Variants in JAK1 observed in about 807,000 individuals in gnomAD.
JAK1 encodes the protein tyrosine-protein kinase JAK1.
JAK1 carries 16 observed loss-of-function variants against 136.6 expected under a neutral mutation model. The ratio of observed to expected loss-of-function variants is 0.12; its 90% CI spans 0.08 to 0.18. The LOEUF is 0.18. JAK1 is among the 10% of genes least tolerant of loss of function. JAK1 has a pLI of 1.00. For missense variants in JAK1, 859 were observed against 1,450.1 expected (o/e 0.59, Z 6.62); for synonymous variants, 492 against 519.5 (o/e 0.95, Z 0.72).
chr1:64,988,984 G>GTA (rs1557745483), intron 2 of JAK1, among the ~76,000 whole-genome samples: 1 of 87,044 alleles, frequency 1.1e-5, no homozygotes, highest in Non-Finnish European at 2.1e-5. Flanking sequence ...ATATGTATAT[G>GTA]TGTGTGTGTG....
chr1:64,903,516 T>C (rs973539893), intron 1 of JAK1, among the ~76,000 whole-genome samples: 7 of 152,136 alleles, frequency 4.6e-5, no homozygotes, highest in Admixed American at 3.9e-4. Flanking sequence ...TGAAAGATAC[T>C]AGTATTGGTG....
At chr1:64,963,856 G>A (rs1339981596) in intron 1 of JAK1, among the ~76,000 whole-genome samples, 2 of 148,128 alleles carry the variant, frequency 1.4e-5, no homozygotes, top group South Asian at 4.1e-4. Flanking sequence ...TGTTTGGGAT[G>A]GGGGGCTGTC....
intron 1 of JAK1, among the ~76,000 whole-genome samples, chr1:65,052,861 C>CAAAAA (rs35560095): frequency 2.0e-4 from 18 of 88,670 alleles, no homozygotes; most frequent in African/African-American, 1.5e-4. Context: ...GACTCCATCT[C>CAAAAA]AAAAAAAAAA....
At chr1:64,874,519 G>C (rs557436056) in intron 4 of JAK1, among the ~76,000 whole-genome samples, 9 of 152,222 alleles carry the variant, frequency 5.9e-5, no homozygotes, top group African/African-American at 9.6e-5. Flanking sequence ...TGCATGGATT[G>C]TCAATTGCAC....
chr1:65,055,091 C>T (rs1647472263), intron 1 of JAK1, among the ~76,000 whole-genome samples: 1 of 152,142 alleles, frequency 6.6e-6, no homozygotes, highest in South Asian at 2.1e-4. Context: ...TGTTGTGCAA[C>T]TGCCATCATC....
intron 2 of JAK1, chr1:64,974,173 T>A (rs547524490): frequency 6.6e-6 from 1 of 152,142 alleles, no homozygotes; most frequent in Non-Finnish European, 1.5e-5. Context: ...CCTAAAATCA[T>A]TGCTTGAGAA....
chr1:65,044,107 T>C (rs1453950764), intron 2 of JAK1, among the ~76,000 whole-genome samples: 5 of 152,168 alleles, frequency 3.3e-5, no homozygotes, highest in Non-Finnish European at 5.9e-5. Context: ...TCCACCTGCC[T>C]CGGCCTCCCA....
At chr1:65,061,334 T>G (rs1647782992) in intron 1 of JAK1, among the ~76,000 whole-genome samples, 1 of 152,096 alleles carries the variant, frequency 6.6e-6, no homozygotes, top group Non-Finnish European at 1.5e-5. Context: ...CATGAAAGGC[T>G]GAGGCTGCCA....
At chr1:64,850,557 C>A (rs1655520959) in intron 12 of JAK1, among the ~76,000 whole-genome samples, 3 of 152,232 alleles carry the variant, frequency 2.0e-5, no homozygotes, top group African/African-American at 7.2e-5. Flanking sequence ...AAGGTCCCTG[C>A]TGTTCTAGGT....
intron 1 of JAK1, chr1:65,057,836 A>G (rs521188): frequency 0.057 from 8,884 of 154,920 alleles, 510 homozygotes; most frequent in East Asian, 0.31. Context: ...AGCAGCAGCA[A>G]TAACATAGGC....
chr1:65,017,153 T>A (rs1315986658), intron 2 of JAK1, among the ~76,000 whole-genome samples: 1 of 152,116 alleles, frequency 6.6e-6, no homozygotes, highest in Non-Finnish European at 1.5e-5. Context: ...CATCTCCCGA[T>A]AATTGATAGA....
intron 1 of JAK1, among the ~76,000 whole-genome samples, chr1:65,064,364 G>A (rs1032047026): frequency 1.3e-5 from 2 of 152,074 alleles, no homozygotes; most frequent in South Asian, 2.1e-4. Context: ...TTTTAAACCC[G>A]AACCAGAGTA....
At chr1:64,978,652 T>A (rs1042159914) in intron 2 of JAK1, among the ~76,000 whole-genome samples, 2 of 152,180 alleles carry the variant, frequency 1.3e-5, no homozygotes, top group Non-Finnish European at 2.9e-5. Flanking sequence ...TCCATTCAGT[T>A]TTACAGGAAT....
intron 1 of JAK1, among the ~76,000 whole-genome samples, chr1:64,896,284 G>A (rs1471174020): frequency 2.6e-5 from 4 of 152,186 alleles, no homozygotes; most frequent in African/African-American, 7.2e-5. Context: ...CTTGAATTTA[G>A]CCAAACTGGC....
chr1:65,044,825 T>C (rs1647170337), intron 1 of JAK1, among the ~76,000 whole-genome samples: 11 of 152,226 alleles, frequency 7.2e-5, no homozygotes, highest in Admixed American at 7.2e-4. Context: ...CTGTCACCCT[T>C]GGAGACTGTG....
intron 2 of JAK1, among the ~76,000 whole-genome samples, chr1:65,007,881 G>T (rs1646816778): frequency 6.6e-6 from 1 of 151,678 alleles, no homozygotes; most frequent in South Asian, 2.1e-4. Context: ...GAGTAAGTGG[G>T]GCTACAGGTG....
intron 2 of JAK1, among the ~76,000 whole-genome samples, chr1:64,994,636 T>C (rs1213834001): frequency 6.6e-6 from 1 of 152,182 alleles, no homozygotes; most frequent in Admixed American, 6.5e-5. Flanking sequence ...TAGGCTCCAT[T>C]TCCCAACACT....
chr1:64,994,576 T>G (rs367611326), intron 2 of JAK1, among the ~76,000 whole-genome samples: 1 of 152,272 alleles, frequency 6.6e-6, no homozygotes, highest in East Asian at 1.9e-4. Flanking sequence ...TTACAGTCAG[T>G]ATTAATCTAT....
intron 1 of JAK1, among the ~76,000 whole-genome samples, chr1:64,950,316 C>G (rs1401537992): frequency 6.6e-5 from 10 of 151,170 alleles, no homozygotes. Flanking sequence ...GCTGAGGCAG[C>G]AGAATCACTT....
Sources: gnomAD v4.1 joint callset for allele counts (sites outside exome capture counted in the v4.1 genomes callset) on GRCh38, gnomAD v4.1.1 for gene constraint, MANE v1.5 for transcripts, NCBI Gene and HGNC (gene_info 2026-07-23, HGNC 2026-07-21) for gene names.